The following MIDEAS variants were observed in gnomAD, a reference collection of about 807,000 sequenced individuals.
The protein encoded by MIDEAS is mitotic deacetylase associated SANT domain protein.
Under a neutral mutation model 102.7 loss-of-function variants are expected in MIDEAS, and 26 were observed. The observed-to-expected ratio is 0.25, with a 90% confidence interval of 0.19 to 0.35. MIDEAS has a LOEUF of 0.35. MIDEAS is among the 10% of genes least tolerant of loss of function. The probability of loss-of-function intolerance (pLI) is 1.00; values close to 1 mark genes in which losing one functional copy is unlikely to be tolerated. For missense variants in MIDEAS, 1,231 were observed against 1,435.6 expected, an observed-to-expected ratio of 0.86 and a Z score of 2.30; for synonymous variants, 585 against 591.0, an observed-to-expected ratio of 0.99 and a Z score of 0.15.
At chr14:73,719,691 T>C (rs1336869664) in intron 11 of MIDEAS, among the ~76,000 whole-genome samples, 190 bp from the exon 12 acceptor site, 14 of 151,840 alleles carry the variant, frequency 9.2e-5, no homozygotes, top group African/African-American at 2.9e-4. Flanking sequence ...TGGTCAGCTC[T>C]ATCGTTTACA....
At chr14:73,722,648 T>TCCCAGACCCAGC in intron 10 of MIDEAS, 50 bp downstream of exon 10, 1 of 1,599,480 alleles carries the variant, frequency 6.3e-7, no homozygotes, top group Non-Finnish European at 8.5e-7. Context: ...TCAGGCCTGG[T>TCCCAGACCCAGC]CCCAGACCCA....
At chr14:73,775,223 A>C (rs2053679269) in intron 1 of MIDEAS, among the ~76,000 whole-genome samples, 2 of 151,964 alleles carry the variant, frequency 1.3e-5, no homozygotes, top group Non-Finnish European at 2.9e-5. Flanking sequence ...GGTAAGAAAA[A>C]GGCCAGAAAG....
chr14:73,729,621 G>A lies in MIDEAS; in HGVS notation c.2095+19C>T, dbSNP rs200347647. 1,472 of 1,578,162 alleles carry A rather than the reference G, an allele frequency of 9.3e-4. 7 individuals are homozygous for A. The highest frequency in any genetic ancestry group is 8.2e-3 in the Middle Eastern group (42 of 5,118). On this transcript the variant is annotated intron_variant, in intron 4 of 12. Transcript: ENST00000423556. ...CCCCAGCCCCGCTCCTGCCAGGGTCGCGGAGGGAGGTCACTCACTAGTCCG... is the reference window on the plus strand; with the variant it reads ...CCCCAGCCCCGCTCCTGCCAGGGTCACGGAGGGAGGTCACTCACTAGTCCG...
chr14:73,789,394 T>G (rs1455584665), upstream of MIDEAS, among the ~76,000 whole-genome samples: 1 of 152,120 alleles, frequency 6.6e-6, no homozygotes, highest in Non-Finnish European at 1.5e-5. Context: ...GGGATGCCTC[T>G]CCTTCCCCCC....
intron 1 of MIDEAS, among the ~76,000 whole-genome samples, chr14:73,786,734 A>C (rs1465016701): frequency 1.3e-5 from 2 of 152,162 alleles, no homozygotes; most frequent in Non-Finnish European, 2.9e-5. Flanking sequence ...CCAGGGAAGC[A>C]CCGGGCAGGG....
chr14:73,721,240 C>T, intron 11 of MIDEAS, 57 bp downstream of exon 11: 1 of 1,565,828 alleles, frequency 6.4e-7, no homozygotes, highest in Non-Finnish European at 8.7e-7. Flanking sequence ...CTCCCACGCC[C>T]CCAGGCCCAG....
At position 73,717,697 on chromosome 14, in the gene MIDEAS, G is replaced by A. The variant is rs536273237; in HGVS notation, c.*1146C>T. On this transcript the variant is annotated 3_prime_UTR_variant, in exon 13 of 13. Coordinates refer to ENST00000423556, the MANE Select transcript of MIDEAS (RefSeq NM_001367710.1). ...GGCCTCTGAAAAGCAGGAGGCCCCTGGTCCCTGAGAGGATGTTAAAAATTA... is the reference window on the plus strand; with the variant it reads ...GGCCTCTGAAAAGCAGGAGGCCCCTAGTCCCTGAGAGGATGTTAAAAATTA... The A allele has an allele frequency of 6.5e-6, 1 of 152,710 alleles. No individual in the cohort carries two copies. Among genetic ancestry groups the A allele is most frequent in the East Asian group, 1.9e-4 (1 of 5,184 alleles). The allele number at this position is 152,710 out of a possible 1,614,324, so 9.5% of individuals were successfully genotyped here. A position where few individuals can be genotyped will look rare whatever the true frequency, so the allele number is the denominator to read the frequency against.
chr14:73,759,376 C>A lies in MIDEAS; in HGVS notation c.-248+387G>T, dbSNP rs2053528363. 6.6e-6 allele frequency among the ~76,000 whole-genome samples: 1 copy of A among 151,974 alleles called. No homozygotes were observed. The highest frequency in any genetic ancestry group is 2.1e-4 in the South Asian group (1 of 4,830). ...TTTCTCTCCAGCGGAGGAGGAGCAG[C>A]CGGATTCCCGAGCCGCCGCGGGCCG... On this transcript the variant is annotated intron_variant, in intron 1 of 12. Transcript: ENST00000423556. This position sits in a 1 kb window ranked among gnomAD's most constrained non-coding sequence, Gnocchi z 6.7.
intron 3 of MIDEAS, chr14:73,730,274 T>G: frequency 1.8e-6 from 1 of 557,730 alleles, no homozygotes; most frequent in Non-Finnish European, 3.3e-6. Context: ...TTTTTAAAAC[T>G]AACTGTATAA....
At chr14:73,727,636 A>C in intron 4 of MIDEAS, 112 bp from the exon 5 acceptor site, 351 of 1,016,042 alleles carry the variant, frequency 3.5e-4, no homozygotes, top group Non-Finnish European at 4.4e-4. Context: ...CACAGAGCTC[A>C]CGCAGGGAAC....
rs911617105 is a variant in MIDEAS, at chr14:73,718,180, T to G, written c.*663A>C. ...CAACGCTGAGAAAACTTTCTAGCCCTAGCAAGGCCGCCAGCAAGCAGCAAA... is the reference window on the plus strand; with the variant it reads ...CAACGCTGAGAAAACTTTCTAGCCCGAGCAAGGCCGCCAGCAAGCAGCAAA... On this transcript the variant is annotated 3_prime_UTR_variant, in exon 13 of 13. Transcript: ENST00000423556. 6.6e-6 allele frequency: 1 copy of G among 152,320 alleles called. No individual in the cohort carries two copies. Among genetic ancestry groups the G allele is most frequent in the African/African-American group, 2.4e-5 (1 of 41,416 alleles). The allele number at this position is 152,320 out of a possible 1,614,324, so 9.4% of individuals were successfully genotyped here. A position where few individuals can be genotyped will look rare whatever the true frequency, so the allele number is the denominator to read the frequency against.
At chr14:73,762,416 C>T (rs939572241), upstream of MIDEAS, among the ~76,000 whole-genome samples, 8 of 152,298 alleles carry the variant, frequency 5.3e-5, no homozygotes, top group African/African-American at 1.2e-4. Flanking sequence ...CACCTTGGAG[C>T]GGCACCGCCC....
chr14:73,730,110 C>A, intron 3 of MIDEAS, 125 bp from the exon 4 acceptor site: 1 of 1,024,536 alleles, frequency 9.8e-7, no homozygotes, highest in Non-Finnish European at 1.5e-6. Context: ...CCAAGGCAAG[C>A]CTGAAAAAAG....
intron 1 of MIDEAS, among the ~76,000 whole-genome samples, chr14:73,743,918 T>C (rs1192323249): frequency 1.3e-5 from 2 of 151,990 alleles, no homozygotes; most frequent in African/African-American, 4.8e-5. Flanking sequence ...CAACCAATCC[T>C]TGACCAGACC....
In MIDEAS at chr14:73,739,911, T is replaced by C; in HGVS notation, c.98A>G (p.Gln33Arg). 6.5e-7 allele frequency: 1 copy of C among 1,545,416 alleles called. No homozygotes were observed. Among genetic ancestry groups the C allele is most frequent in the Non-Finnish European group, 8.7e-7 (1 of 1,145,056 alleles). ...PAPKEQPPPL[Q>R]PPQQSIRVKE... ...CACTCTGATGGACTGCTGGGGGGGC[T>C]GCAGGGGAGGGGGCTGCTCCTTGGG... Residue 33 changes from glutamine (Q) to arginine (R), a missense_variant, in exon 2 of 13, where the codon CAG becomes CGG. Gln to Arg is a conservative substitution (Grantham distance 43, BLOSUM62 1). This residue lies in a region of MIDEAS where 758 missense variants were observed against 856.0 expected (regional missense o/e 0.89). Transcript: ENST00000423556.
chr14:73,779,567 A>ATTTT (rs1343232133), intron 1 of MIDEAS, among the ~76,000 whole-genome samples: 9 of 54,624 alleles, frequency 1.6e-4, no homozygotes, highest in African/African-American at 9.2e-4. Context: ...TATTATTATT[A>ATTTT]TTATTATTTT....
Position 73,718,864 on chromosome 14 carries a change from G to A in MIDEAS, c.3279C>T (p.Ser1093=), listed in dbSNP as rs1256901410. ...GCGCTCAGCCCTTGTCGCCCGCACC[G>A]CTCTCCTCCCGCAGGGCCTGCTGGT... is the stretch of plus-strand genomic sequence containing the variant. ...AAHQQALREE[S]GAGDKG Residue 1093 remains serine (S), a synonymous_variant, in exon 13 of 13, where the codon AGC becomes AGT. Coordinates refer to ENST00000423556, the MANE Select transcript of MIDEAS (RefSeq NM_001367710.1). 3 of 1,503,706 alleles carry A rather than the reference G, an allele frequency of 2.0e-6. No homozygotes were observed. Among genetic ancestry groups the A allele is most frequent in the Admixed American group, 2.2e-5 (1 of 45,364 alleles). 93.1% of individuals were successfully genotyped at this position (1,503,706 alleles called of 1,614,324 possible).
rs1412072965 is a variant in MIDEAS, at chr14:73,717,895, G to C, written c.*948C>G. On this transcript the variant is annotated 3_prime_UTR_variant, in exon 13 of 13. Transcript: ENST00000423556. ...CACTGGGTAGGGTGCGGTGGGGTTA[G>C]GTGTAGCTGCTGAGGTCAGAGCAGA... 2 of 150,324 alleles carry C rather than the reference G, an allele frequency of 1.3e-5. No homozygotes were observed. The highest frequency in any genetic ancestry group is 3.0e-5 in the Non-Finnish European group (2 of 67,728). 9.3% of individuals were successfully genotyped at this position (150,324 alleles called of 1,614,324 possible).
chr14:73,723,119 T>C (rs12101005), intron 9 of MIDEAS: 10,805 of 287,386 alleles, frequency 0.038, 1,175 homozygotes, highest in African/African-American at 0.22. Context: ...GCAATATGGA[T>C]TGCATATCAG....
Sources: gnomAD v4.1 joint callset for allele counts (sites outside exome capture counted in the v4.1 genomes callset) on GRCh38, gnomAD v4.1.1 for gene constraint, gnomAD v4.1.1 regional missense constraint, Gnocchi (gnomAD v3.1) non-coding constraint, MANE v1.5 for transcripts, NCBI Gene and HGNC (gene_info 2026-07-23, HGNC 2026-07-21) for gene names.